Variants in ANKRD45 observed in about 807,000 individuals in gnomAD.
ANKRD45 encodes ankyrin repeat domain-containing protein 45.
Under a neutral mutation model 28.1 loss-of-function variants are expected in ANKRD45, and 21 were observed. The observed-to-expected ratio is 0.75, with a 90% CI of 0.53 to 1.08. The LOEUF is 1.08. Ranked by LOEUF, ANKRD45 falls within the 50% of genes least tolerant of loss-of-function variation. The pLI, the probability that ANKRD45 is intolerant of heterozygous loss-of-function variation, is 0.00. For synonymous variants in ANKRD45, 86 were observed against 103.9 expected, an observed-to-expected ratio of 0.83 and a Z score of 1.05; for missense variants, 261 against 308.7, an observed-to-expected ratio of 0.85 and a Z score of 1.16.
upstream of ANKRD45, among the ~76,000 whole-genome samples, chr1:173,672,576 T>C (rs1670291521): frequency 6.6e-6 from 1 of 152,214 alleles, no homozygotes; most frequent in Non-Finnish European, 1.5e-5. Context: ...TTAAAGATTA[T>C]TTTTTAGTGC....
chr1:173,616,155 C>A (rs1420735730), intron 5 of ANKRD45, among the ~76,000 whole-genome samples: 1 of 151,734 alleles, frequency 6.6e-6, no homozygotes, highest in Non-Finnish European at 1.5e-5. Flanking sequence ...TATTATTTAG[C>A]CATAAAGCAG....
At chr1:173,688,410 T>C in the ANKRD45 span, among the ~76,000 whole-genome samples, 7 of 88,604 alleles carry the variant, frequency 7.9e-5, no homozygotes, top group African/African-American at 2.7e-4. Context: ...CTCTGCCTCT[T>C]CCTCTCTCTC....
rs532466161 is a variant in ANKRD45, at chr1:173,653,243, AAATTTTCCT to A, written c.328+5839_328+5847del. Among the ~76,000 whole-genome samples, 24 of 152,336 alleles carry A rather than the reference AAATTTTCCT, an allele frequency of 1.6e-4. No individual in the cohort carries two copies. The South Asian group carries it at 5.0e-3, about 32-fold the overall frequency. On this transcript the variant is annotated intron_variant, in intron 2 of 5. Coordinates refer to ENST00000333279, the MANE Select transcript of ANKRD45 (RefSeq NM_198493.3). ...TTCTCTTGTGGGCATTTAGTGCTAT[AAATTTTCCT>A]CTACACACTGCTTTAAATGTGTCCC...
Position 173,609,980 on chromosome 1 carries a change from A to C in ANKRD45, c.*165T>G. ...CTTGGAGGAGCAGAGGCGAGGCCAG[A>C]GTCCGGACATAAGCATGCTGAACAG... On this transcript the variant is annotated 3_prime_UTR_variant, in exon 6 of 6. Coordinates refer to ENST00000333279, the MANE Select transcript of ANKRD45 (RefSeq NM_198493.3). 1.5e-6 allele frequency: 1 copy of C among 670,556 alleles called. No homozygotes were observed. Among genetic ancestry groups the C allele is most frequent in the Non-Finnish European group, 2.5e-6 (1 of 393,226 alleles). 41.5% of individuals were successfully genotyped at this position (670,556 alleles called of 1,614,324 possible). A position where few individuals can be genotyped will look rare whatever the true frequency, so the allele number is the denominator to read the frequency against.
chr1:173,612,982 GC>G (rs1194527319), intron 5 of ANKRD45, among the ~76,000 whole-genome samples: 3 of 152,120 alleles, frequency 2.0e-5, no homozygotes, highest in Non-Finnish European at 1.5e-5. Flanking sequence ...CTCCCAAAAT[GC>G]CGAGATTGCA....
intron 3 of ANKRD45, among the ~76,000 whole-genome samples, chr1:173,644,926 T>C (rs1330111857): frequency 6.7e-6 from 1 of 149,742 alleles, no homozygotes; most frequent in Non-Finnish European, 1.5e-5. Flanking sequence ...CCGGGAGGCA[T>C]AGGTTGCAGT....
chr1:173,668,389 T>G (rs2102403776), intron 1 of ANKRD45, among the ~76,000 whole-genome samples: 1 of 152,248 alleles, frequency 6.6e-6, no homozygotes, highest in East Asian at 1.9e-4. Context: ...AACCGAGTCC[T>G]GACAAAACCA....
At chr1:173,666,286 G>A (rs1010946070) in intron 1 of ANKRD45, among the ~76,000 whole-genome samples, 1 of 152,208 alleles carries the variant, frequency 6.6e-6, no homozygotes, top group Non-Finnish European at 1.5e-5. Flanking sequence ...TCTCCAGCTT[G>A]CTGAATGCAG....
chr1:173,711,533 C>T, the ANKRD45 span, among the ~76,000 whole-genome samples: 1 of 152,178 alleles, frequency 6.6e-6, no homozygotes, highest in South Asian at 2.1e-4. Context: ...TCTCAGTGAG[C>T]AGAGGGGTGA....
intron 3 of ANKRD45, among the ~76,000 whole-genome samples, chr1:173,633,489 AC>A (rs146543394): frequency 0.18 from 27,025 of 151,976 alleles, 2,984 homozygotes; most frequent in Non-Finnish European, 0.23. Flanking sequence ...AATAGAAAAA[AC>A]AATACTAAAA....
intron 2 of ANKRD45, chr1:173,658,871 C>G: frequency 1.6e-6 from 1 of 615,332 alleles, no homozygotes; most frequent in East Asian, 4.0e-5. Context: ...CCAAGTCACA[C>G]AGCTAATAAA....
the ANKRD45 span, among the ~76,000 whole-genome samples, chr1:173,694,969 ATTAG>A: frequency 6.6e-6 from 1 of 152,186 alleles, no homozygotes; most frequent in African/African-American, 2.4e-5. Context: ...AAAGACATTT[ATTAG>A]TTGTAATATT....
At chr1:173,635,385 C>T (rs1668382186) in intron 3 of ANKRD45, 1 of 697,806 alleles carries the variant, frequency 1.4e-6, no homozygotes, top group Non-Finnish European at 2.3e-6. Context: ...TATTGAAGCA[C>T]CATTTTAACT....
Position 173,609,189 on chromosome 1 carries a change from T to G in ANKRD45, c.*956A>C, listed in dbSNP as rs1207012999. On this transcript the variant is annotated 3_prime_UTR_variant, in exon 6 of 6. Coordinates refer to ENST00000333279, the MANE Select transcript of ANKRD45 (RefSeq NM_198493.3). Reference sequence around the variant, plus strand: ...ACTTTGGGAGACATTTAAAACAGGGTTATCTCAAAACCATGGTTAAATAAA... The same window carrying G: ...ACTTTGGGAGACATTTAAAACAGGGGTATCTCAAAACCATGGTTAAATAAA... Among the ~76,000 whole-genome samples, 2 of 152,076 alleles carry G rather than the reference T, an allele frequency of 1.3e-5. No individual in the cohort carries two copies. The highest frequency in any genetic ancestry group is 2.9e-5 in the Non-Finnish European group (2 of 67,988).
intron 3 of ANKRD45, among the ~76,000 whole-genome samples, chr1:173,638,350 C>T (rs1334756115): frequency 6.6e-6 from 1 of 152,100 alleles, no homozygotes; most frequent in Non-Finnish European, 1.5e-5. Context: ...ATAGGCGAGA[C>T]ATCCCTAGCA....
chr1:173,680,782 C>T, the ANKRD45 span, among the ~76,000 whole-genome samples: 1 of 151,886 alleles, frequency 6.6e-6, no homozygotes, highest in Non-Finnish European at 1.5e-5. Context: ...GAATACTATG[C>T]AGCCATAAAA....
At chr1:173,635,720 G>C in intron 3 of ANKRD45, 1 of 1,535,522 alleles carries the variant, frequency 6.5e-7, no homozygotes, top group Non-Finnish European at 8.7e-7. Flanking sequence ...CTGCGACTTT[G>C]CTAACATGGA....
intron 3 of ANKRD45, among the ~76,000 whole-genome samples, chr1:173,629,039 A>G (rs1157452006): frequency 6.6e-6 from 1 of 152,264 alleles, no homozygotes; most frequent in Non-Finnish European, 1.5e-5. Context: ...CCATTAAGAC[A>G]GCATCTCTAC....
the ANKRD45 span, among the ~76,000 whole-genome samples, chr1:173,696,269 G>T: frequency 1.1e-3 from 164 of 152,198 alleles, 1 homozygote; most frequent in Non-Finnish European, 2.0e-3. Flanking sequence ...AAATATTGGG[G>T]GTGGTTCCCC....
Sources: gnomAD v4.1 joint callset for allele counts (sites outside exome capture counted in the v4.1 genomes callset) on GRCh38, gnomAD v4.1.1 for gene constraint, MANE v1.5 for transcripts, NCBI Gene and HGNC (gene_info 2026-07-23, HGNC 2026-07-21) for gene names.